ZNF365: variants seen among roughly 807,000 people sequenced by gnomAD.
ZNF365 encodes zinc finger protein 365.
A neutral mutation model predicts 35.0 loss-of-function variants in ZNF365; 22 were observed. The ratio of observed to expected loss-of-function variants is 0.63; its 90% CI spans 0.45 to 0.90. ZNF365 has a LOEUF of 0.90. Ranked by LOEUF, ZNF365 falls within the 40% of genes least tolerant of loss-of-function variation. The pLI, the probability that ZNF365 is intolerant of heterozygous loss-of-function variation, is 0.00. For missense variants in ZNF365, 448 were observed against 500.3 expected, an observed-to-expected ratio of 0.90 and a Z score of 1.00; for synonymous variants, 188 against 196.2, an observed-to-expected ratio of 0.96 and a Z score of 0.35.
At chr10:62,380,954 A>T (rs1173512223) in intron 2 of ZNF365, among the ~76,000 whole-genome samples, 1 of 152,180 alleles carries the variant, frequency 6.6e-6, no homozygotes, top group African/African-American at 2.4e-5. Context: ...TCCTGATTGA[A>T]CATCTGTAAT....
intron 4 of ZNF365, among the ~76,000 whole-genome samples, chr10:62,471,236 G>A (rs1283784430): frequency 1.3e-5 from 2 of 151,872 alleles, no homozygotes; most frequent in Non-Finnish European, 2.9e-5. Context: ...TGTGATGGTA[G>A]GCACCTGTAG....
chr10:62,454,689 T>C (rs1840735247), intron 3 of ZNF365, among the ~76,000 whole-genome samples: 1 of 152,170 alleles, frequency 6.6e-6, no homozygotes, highest in Admixed American at 6.5e-5. Context: ...AGTGAACATT[T>C]ACTATCTTAA....
intron 3 of ZNF365, among the ~76,000 whole-genome samples, chr10:62,426,112 T>C (rs1380517258): frequency 6.6e-6 from 1 of 152,116 alleles, no homozygotes; most frequent in East Asian, 1.9e-4. Flanking sequence ...CTCTTCATCT[T>C]TGCCCCCACA....
chr10:62,391,526 T>C (rs556610033), intron 3 of ZNF365, among the ~76,000 whole-genome samples: 1 of 152,380 alleles, frequency 6.6e-6, no homozygotes, highest in East Asian at 1.9e-4. Flanking sequence ...TTACCTCACT[T>C]AGAATAACGG....
intron 3 of ZNF365, among the ~76,000 whole-genome samples, chr10:62,455,263 G>C (rs936993451): frequency 6.6e-6 from 1 of 152,130 alleles, no homozygotes; most frequent in African/African-American, 2.4e-5. Context: ...CAGCCAGGAG[G>C]ATTTTGTAAT....
chr10:62,426,692 A>G (rs1840254404), intron 3 of ZNF365, among the ~76,000 whole-genome samples: 1 of 152,076 alleles, frequency 6.6e-6, no homozygotes, highest in South Asian at 2.1e-4. Flanking sequence ...GGCAGGGCAA[A>G]CAGTTTAGGA....
In ZNF365 at chr10:62,383,377, G is replaced by C. The variant is rs1839472894; in HGVS notation, c.744-5019G>C. Among the ~76,000 whole-genome samples the C allele has an allele frequency of 2.0e-5, 3 of 152,306 alleles. 1 individual carries two copies. The South Asian group carries it at 6.2e-4, about 32-fold the overall frequency. ...GTCATGTACACCTGGGCATGTGTCT[G>C]AGAATACTCCCTGGCAAGAGAGTCT... On this transcript the variant is annotated intron_variant, in intron 2 of 4. Transcript: ENST00000395254.
chr10:62,387,975 T>C (rs1414830659), intron 2 of ZNF365, among the ~76,000 whole-genome samples: 1 of 152,230 alleles, frequency 6.6e-6, no homozygotes, highest in Non-Finnish European at 1.5e-5. Context: ...ACCCCCTTGC[T>C]GTACCTCAGA....
intron 3 of ZNF365, among the ~76,000 whole-genome samples, chr10:62,450,618 CAAGTA>C (rs1275170893): frequency 6.6e-6 from 1 of 152,128 alleles, no homozygotes; most frequent in Non-Finnish European, 1.5e-5. Flanking sequence ...TATTCTTCTC[CAAGTA>C]AAGTTAGGAG....
intron 3 of ZNF365, among the ~76,000 whole-genome samples, chr10:62,443,285 ATTAG>A (rs1042048516): frequency 8.5e-5 from 13 of 152,172 alleles, no homozygotes; most frequent in Non-Finnish European, 1.0e-4. Flanking sequence ...AAAGCATATA[ATTAG>A]TTATTCCATT....
chr10:62,438,166 A>G (rs1840436346), intron 3 of ZNF365, among the ~76,000 whole-genome samples: 2 of 151,820 alleles, frequency 1.3e-5, no homozygotes, highest in South Asian at 4.1e-4. Context: ...ATCTGTTTTC[A>G]TACAGTATTT....
intron 3 of ZNF365, among the ~76,000 whole-genome samples, chr10:62,454,070 G>A (rs116077633): frequency 1.6e-4 from 25 of 152,046 alleles, no homozygotes; most frequent in African/African-American, 5.8e-4. Context: ...CTTTTTAAAC[G>A]TATACCTTGC....
At chr10:62,389,800 T>A (rs895403723) in intron 3 of ZNF365, among the ~76,000 whole-genome samples, 1 of 152,220 alleles carries the variant, frequency 6.6e-6, no homozygotes, top group Non-Finnish European at 1.5e-5. Context: ...AAAAAGAGAC[T>A]GGAAGGAAGT....
At chr10:62,444,101 C>G (rs11595219) in intron 3 of ZNF365, among the ~76,000 whole-genome samples, 19,524 of 152,176 alleles carry the variant, frequency 0.13, 1,553 homozygotes, top group Middle Eastern at 0.21. Flanking sequence ...CAGACTGACT[C>G]CAGGAAGCAT....
At chr10:62,445,936 C>A (rs1259798617) in intron 3 of ZNF365, among the ~76,000 whole-genome samples, 1 of 152,142 alleles carries the variant, frequency 6.6e-6, no homozygotes, top group Non-Finnish European at 1.5e-5. Flanking sequence ...CACCATGAAC[C>A]CAGGAACTCT....
rs1042644478 is a variant in ZNF365, at chr10:62,399,913, A to G, written c.*124A>G. The G allele has an allele frequency of 3.5e-6, 5 of 1,428,052 alleles. No homozygotes were observed. In the Admixed American group the frequency reaches 1.4e-4, roughly 41 times the overall value. 88.5% of individuals were successfully genotyped at this position (1,428,052 alleles called of 1,614,324 possible). On this transcript the variant is annotated 3_prime_UTR_variant, in exon 5 of 5. Transcript: ENST00000395254. ...ACATTGGAAAAGCCAAGGGCATAAC[A>G]CAGGCAAGCACCTCAATTAACCAGA...
At chr10:62,467,541 T>A (rs961683658) in intron 4 of ZNF365, among the ~76,000 whole-genome samples, 1 of 152,230 alleles carries the variant, frequency 6.6e-6, no homozygotes, top group South Asian at 2.1e-4. Context: ...TCTGAGCACA[T>A]TGAATGAGAG....
intron 4 of ZNF365, among the ~76,000 whole-genome samples, chr10:62,478,660 G>C (rs547036900): frequency 1.3e-5 from 2 of 152,256 alleles, no homozygotes; most frequent in African/African-American, 4.8e-5. Flanking sequence ...TGCAAGCTCC[G>C]CCTCCTGGGT....
intron 3 of ZNF365, among the ~76,000 whole-genome samples, chr10:62,417,478 T>C (rs949505003): frequency 2.0e-5 from 3 of 152,052 alleles, no homozygotes; most frequent in Non-Finnish European, 2.9e-5. Context: ...CTCTAAAGGG[T>C]TGGCATAGAA....
Sources: allele counts gnomAD v4.1 joint callset (sites outside exome capture counted in the v4.1 genomes callset), GRCh38; gene constraint gnomAD v4.1.1; transcripts MANE v1.5; gene names NCBI Gene and HGNC (gene_info 2026-07-23, HGNC 2026-07-21).